The following PPARGC1A variants were observed in gnomAD, a reference collection of about 807,000 sequenced individuals.
The protein encoded by PPARGC1A is PPARG coactivator 1 alpha.
PPARGC1A carries 25 observed loss-of-function variants against 88.7 expected under a neutral mutation model. The ratio of observed to expected loss-of-function variants is 0.28; its 90% confidence interval spans 0.21 to 0.39. The LOEUF is 0.39. Among genes scored for constraint, PPARGC1A ranks in the 10% least tolerant of loss-of-function variants. The probability of loss-of-function intolerance (pLI) is 1.00; values close to 1 mark genes in which losing one functional copy is unlikely to be tolerated. For synonymous variants in PPARGC1A, 363 were observed against 355.6 expected (o/e 1.02, Z -0.24); for missense variants, 880 against 968.7 (o/e 0.91, Z 1.22).
At chr4:23,977,008 AAG>A in the PPARGC1A span, among the ~76,000 whole-genome samples, 5 of 151,916 alleles carry the variant, frequency 3.3e-5, no homozygotes, top group South Asian at 4.2e-4. Flanking sequence ...GGAGAAGGAA[AAG>A]AGAGAGGAGG....
At chr4:23,987,232 G>A in the PPARGC1A span, among the ~76,000 whole-genome samples, 5 of 152,106 alleles carry the variant, frequency 3.3e-5, no homozygotes, top group African/African-American at 1.2e-4. Flanking sequence ...CTTTCTGGAA[G>A]CCCTGCATTT....
At chr4:24,014,710 C>T in the PPARGC1A span, among the ~76,000 whole-genome samples, 94,438 of 152,034 alleles carry the variant, frequency 0.62, 30,118 homozygotes, top group African/African-American at 0.75. Flanking sequence ...TTGTCATGGC[C>T]ATGAGGAGAG....
At chr4:24,371,308 T>C in the PPARGC1A span, among the ~76,000 whole-genome samples, 1 of 152,206 alleles carries the variant, frequency 6.6e-6, no homozygotes, top group African/African-American at 2.4e-5. Flanking sequence ...TTATATAACT[T>C]ATGTTAAACC....
rs546521893 is a variant in PPARGC1A, at chr4:23,813,282, T to C, written c.1794-157A>G. Among the ~76,000 whole-genome samples the C allele has an allele frequency of 2.6e-5, 4 of 152,320 alleles. No homozygotes were observed. The East Asian group carries it at 7.7e-4, about 29-fold the overall frequency. ...TTCCCAGTGACAGTTTGTGATCATCTAGTCAACTTAGAGGGCTGGGAGTGA... is the reference window on the plus strand; with the variant it reads ...TTCCCAGTGACAGTTTGTGATCATCCAGTCAACTTAGAGGGCTGGGAGTGA... On this transcript the variant is annotated intron_variant, in intron 8 of 12. Coordinates refer to ENST00000264867, the MANE Select transcript of PPARGC1A (RefSeq NM_013261.5).
the PPARGC1A span, among the ~76,000 whole-genome samples, chr4:24,418,143 G>A: frequency 0.035 from 5,376 of 152,128 alleles, 309 homozygotes; most frequent in African/African-American, 0.12. Context: ...AACTCAACAA[G>A]TGCAGCCACC....
chr4:23,970,484 A>C, the PPARGC1A span, among the ~76,000 whole-genome samples: 1 of 152,166 alleles, frequency 6.6e-6, no homozygotes, highest in Non-Finnish European at 1.5e-5. Context: ...TCAAATCATG[A>C]TTTATATGCT....
the PPARGC1A span, among the ~76,000 whole-genome samples, chr4:24,354,074 G>A: frequency 1.3e-5 from 2 of 152,118 alleles, no homozygotes; most frequent in Non-Finnish European, 2.9e-5. Flanking sequence ...GGCTCTAATG[G>A]AGAGTAGTCC....
chr4:24,431,131 AAAAAAAAAAAAGAG>A, the PPARGC1A span, among the ~76,000 whole-genome samples: 2 of 151,232 alleles, frequency 1.3e-5, no homozygotes, highest in Middle Eastern at 3.4e-3. Context: ...TCTCAAAAAA[AAAAAAAAAAAAGAG>A]AAAAAAAAAA....
the PPARGC1A span, among the ~76,000 whole-genome samples, chr4:24,319,130 G>T: frequency 6.6e-6 from 1 of 152,184 alleles, no homozygotes; most frequent in Non-Finnish European, 1.5e-5. Flanking sequence ...AGGATCACTT[G>T]AGGCCAGGAG....
At chr4:23,818,101 C>T (rs1405140883) in intron 7 of PPARGC1A, among the ~76,000 whole-genome samples, 2 of 152,196 alleles carry the variant, frequency 1.3e-5, no homozygotes, top group Admixed American at 1.3e-4. Flanking sequence ...CTCTCGATTT[C>T]ATGCCACAAG....
chr4:23,889,053 C>G (rs538076374), intron 1 of PPARGC1A: 1 of 985,254 alleles, frequency 1.0e-6, no homozygotes, highest in Admixed American at 6.1e-5. Context: ...CCACTAGACT[C>G]CAGAGATTAC....
At chr4:24,184,045 C>T in the PPARGC1A span, among the ~76,000 whole-genome samples, 2 of 152,204 alleles carry the variant, frequency 1.3e-5, no homozygotes, top group African/African-American at 4.8e-5. Flanking sequence ...CTCAGTTGCA[C>T]TTCTGTCCTC....
chr4:24,270,317 C>G, the PPARGC1A span, among the ~76,000 whole-genome samples: 2 of 22,862 alleles, frequency 8.7e-5, no homozygotes, highest in Admixed American at 6.6e-4. Flanking sequence ...CTCTCTCTCT[C>G]TCTCTCTCTC....
At chr4:24,017,192 T>C in the PPARGC1A span, among the ~76,000 whole-genome samples, 1 of 152,108 alleles carries the variant, frequency 6.6e-6, no homozygotes, top group African/African-American at 2.4e-5. Context: ...TCCAATGCAT[T>C]ATGTAAAATT....
At chr4:24,139,469 T>C in the PPARGC1A span, among the ~76,000 whole-genome samples, 2 of 152,172 alleles carry the variant, frequency 1.3e-5, no homozygotes, top group Admixed American at 1.3e-4. Context: ...TTAAAATCAC[T>C]GTAAATGTAA....
At chr4:23,850,757 CT>C (rs1233051969) in intron 2 of PPARGC1A, among the ~76,000 whole-genome samples, 1 of 152,054 alleles carries the variant, frequency 6.6e-6, no homozygotes, top group African/African-American at 2.4e-5. Context: ...ATTAAATCAC[CT>C]TTTTACGTAT....
At chr4:23,927,057 A>C in the PPARGC1A span, among the ~76,000 whole-genome samples, 1 of 152,256 alleles carries the variant, frequency 6.6e-6, no homozygotes, top group Admixed American at 6.5e-5. Flanking sequence ...TAAGTCAAAA[A>C]TGCATTTAAT....
chr4:24,326,689 C>T, the PPARGC1A span, among the ~76,000 whole-genome samples: 4 of 152,162 alleles, frequency 2.6e-5, no homozygotes, highest in Non-Finnish European at 4.4e-5. Context: ...TGATCGTGTC[C>T]AGCTGATCTC....
chr4:23,968,745 T>C, the PPARGC1A span, among the ~76,000 whole-genome samples: 6 of 151,930 alleles, frequency 3.9e-5, no homozygotes, highest in Non-Finnish European at 5.9e-5. Context: ...TGAAATCACA[T>C]CTCTACTAAA....
Sources: allele counts gnomAD v4.1 joint callset (sites outside exome capture counted in the v4.1 genomes callset), GRCh38; gene constraint gnomAD v4.1.1; transcripts MANE v1.5; gene names NCBI Gene and HGNC (gene_info 2026-07-23, HGNC 2026-07-21).